The following TEAD4 variants were observed in gnomAD, a reference collection of about 807,000 sequenced individuals.
The protein encoded by TEAD4 is transcriptional enhancer factor TEF-3.
Under a neutral mutation model 52.4 loss-of-function variants are expected in TEAD4, and 36 were observed. That is an observed-to-expected ratio of 0.69 (90% confidence interval 0.53 to 0.91). The LOEUF is 0.91. Ranked by LOEUF, TEAD4 falls within the 40% of genes least tolerant of loss-of-function variation. The pLI, the probability that TEAD4 is intolerant of heterozygous loss-of-function variation, is 0.00. For missense variants in TEAD4, 508 were observed against 583.9 expected (o/e 0.87, Z 1.34); for synonymous variants, 220 against 231.0 (o/e 0.95, Z 0.43).
chr12:2,985,851 C>G lies in TEAD4; in HGVS notation c.-29-8887C>G, dbSNP rs12300431. On this transcript the variant is annotated intron_variant, in intron 2 of 12. Transcript: ENST00000359864. ...CTGTAATCCCAGCACTTTGGGAGGC[C>G]GAGGCGGGTGGATCACTACGTCAGG... Among the ~76,000 whole-genome samples, 1,054 of 149,892 alleles carry G rather than the reference C, an allele frequency of 7.0e-3. 7 individuals are homozygous for G. Among genetic ancestry groups the G allele is most frequent in the Non-Finnish European group, 0.012 (793 of 67,762 alleles).
chr12:3,024,871 A>C (rs2098271093), intron 10 of TEAD4, among the ~76,000 whole-genome samples: 1 of 151,708 alleles, frequency 6.6e-6, no homozygotes, highest in Admixed American at 6.6e-5. Flanking sequence ...CTGTTAGATA[A>C]TTTATCAATT....
At chr12:3,003,928 A>G (rs990425779) in intron 3 of TEAD4, among the ~76,000 whole-genome samples, 1 of 152,168 alleles carries the variant, frequency 6.6e-6, no homozygotes, top group Non-Finnish European at 1.5e-5. Flanking sequence ...CCACCACCTC[A>G]GCTGGGTGCT....
intron 11 of TEAD4, among the ~76,000 whole-genome samples, chr12:3,039,114 A>G: frequency 6.6e-6 from 1 of 152,106 alleles, no homozygotes; most frequent in South Asian, 2.1e-4. Context: ...GGGAGGAGAC[A>G]TTACTCCACA....
chr12:2,971,313 T>G (rs774735362), intron 2 of TEAD4, among the ~76,000 whole-genome samples: 2 of 151,834 alleles, frequency 1.3e-5, no homozygotes, highest in African/African-American at 2.4e-5. Context: ...CGTGTATATG[T>G]GTAAGAGAGA....
chr12:2,991,666 CA>C (rs980784598), intron 2 of TEAD4, among the ~76,000 whole-genome samples: 1 of 147,502 alleles, frequency 6.8e-6, no homozygotes, highest in Non-Finnish European at 1.5e-5. Context: ...CGTCCCCCCA[CA>C]AAAAAAAAGA....
At chr12:3,033,048 G>A (rs551155650) in intron 10 of TEAD4, among the ~76,000 whole-genome samples, 3 of 152,256 alleles carry the variant, frequency 2.0e-5, no homozygotes, top group East Asian at 1.9e-4. Flanking sequence ...AAACGGTGTC[G>A]CCTCTCCCGG....
intron 2 of TEAD4, among the ~76,000 whole-genome samples, chr12:2,964,354 C>CT (rs1444876339): frequency 1.3e-5 from 2 of 152,172 alleles, no homozygotes. Flanking sequence ...GGCTGTGAGC[C>CT]TTGGGCAGTT....
intron 2 of TEAD4, among the ~76,000 whole-genome samples, chr12:2,965,026 C>T (rs994518060): frequency 6.6e-6 from 1 of 152,056 alleles, no homozygotes; most frequent in African/African-American, 2.4e-5. Flanking sequence ...CTGCCAGGAC[C>T]TGGAAGGAGG....
At chr12:3,028,120 G>A (rs2098273152) in intron 10 of TEAD4, among the ~76,000 whole-genome samples, 1 of 152,126 alleles carries the variant, frequency 6.6e-6, no homozygotes, top group Non-Finnish European at 1.5e-5. Flanking sequence ...CTTGAACTTG[G>A]CATAGTGTTT....
At chr12:3,030,397 G>A (rs1293563560) in intron 10 of TEAD4, among the ~76,000 whole-genome samples, 2 of 152,180 alleles carry the variant, frequency 1.3e-5, no homozygotes, top group East Asian at 1.9e-4. Flanking sequence ...ACTGTCCAGT[G>A]TACAGACTTT....
At chr12:2,982,082 G>C (rs1160827475) in intron 2 of TEAD4, among the ~76,000 whole-genome samples, 1 of 152,160 alleles carries the variant, frequency 6.6e-6, no homozygotes, top group Non-Finnish European at 1.5e-5. Context: ...GGTTGGCCTG[G>C]GGTCTGGTTC....
At position 2,959,506 on chromosome 12, in the gene TEAD4, A is replaced by G. The variant is rs989763968; in HGVS notation, c.-123+25A>G. 3 of 146,330 alleles carry G rather than the reference A, an allele frequency of 2.1e-5. No individual in the cohort carries two copies. Among genetic ancestry groups the G allele is most frequent in the Non-Finnish European group, 4.6e-5 (3 of 65,718 alleles). The allele number at this position is 146,330 out of a possible 1,614,324, so 9.1% of individuals were successfully genotyped here. ...GGTGAGAGGCGCCCGCGCCCGCCGC[A>G]CCCGCCGGCGCCCTCACGGGCCGCG... On this transcript the variant is annotated intron_variant, in intron 1 of 12. Transcript: ENST00000359864. The surrounding 1 kb of genome is among the most constrained non-coding windows in gnomAD (Gnocchi z 5.1).
intron 2 of TEAD4, among the ~76,000 whole-genome samples, chr12:2,963,207 C>T (rs1348351033): frequency 1.3e-5 from 2 of 152,234 alleles, no homozygotes; most frequent in African/African-American, 4.8e-5. Context: ...GCAAATGTCA[C>T]AACCTCCTTT....
Position 3,040,430 on chromosome 12 carries a change from C to T in TEAD4, c.1257C>T (p.Ala419=). ...TTGCCTATGTCTTTGAGGTGTCAGC[C>T]AGTGAGCACGGGGCTCAGCACCACA... Residue 419 remains alanine, a synonymous_variant, in exon 13 of 13, where the codon GCC becomes GCT. Transcript: ENST00000359864. 1 of 1,614,092 alleles carries T rather than the reference C, an allele frequency of 6.2e-7. No homozygotes were observed. Among genetic ancestry groups the T allele is most frequent in the Non-Finnish European group, 8.5e-7 (1 of 1,180,020 alleles).
rs755969927 is a variant in TEAD4 at position 2,996,080 on chromosome 12, CTG to C, written c.226+1090_226+1091del. On this transcript the variant is annotated intron_variant, in intron 3 of 12. Transcript: ENST00000359864. ...GAAGGCCCAGATAAGGCTTCTGTTCCTGTTGGAAAGTCCTCTAGGAATCCTAG... is the reference window on the plus strand; with the variant it reads ...GAAGGCCCAGATAAGGCTTCTGTTCCTTGGAAAGTCCTCTAGGAATCCTAG... Among the ~76,000 whole-genome samples, 1,170 of 151,992 alleles carry C rather than the reference CTG, an allele frequency of 7.7e-3. 6 individuals carry two copies. The highest frequency in any genetic ancestry group is 0.013 in the Non-Finnish European group (864 of 68,004).
intron 10 of TEAD4, among the ~76,000 whole-genome samples, chr12:3,025,273 G>A (rs9783511): frequency 0.19 from 29,327 of 152,118 alleles, 5,059 homozygotes; most frequent in African/African-American, 0.46. Context: ...TTGCCCTACA[G>A]TTGTCATCCT....
At chr12:2,969,063 T>G (rs1272437749) in intron 2 of TEAD4, among the ~76,000 whole-genome samples, 3 of 152,212 alleles carry the variant, frequency 2.0e-5, no homozygotes, top group Non-Finnish European at 4.4e-5. Context: ...CAGTAGCAGG[T>G]TAGGTCCATC....
intron 2 of TEAD4, among the ~76,000 whole-genome samples, chr12:2,969,958 G>C (rs891730396): frequency 6.6e-6 from 1 of 152,144 alleles, no homozygotes; most frequent in Admixed American, 6.5e-5. Flanking sequence ...GGGTGTGGTG[G>C]CTTTTGCCCA....
Position 3,038,065 on chromosome 12 carries a change from C to T in TEAD4, c.995C>T (p.Thr332Met), listed in dbSNP as rs779566440. 9.3e-6 allele frequency: 15 copies of T among 1,613,896 alleles called. No homozygotes were observed. The highest frequency in any genetic ancestry group is 1.6e-4 in the Middle Eastern group (1 of 6,062). ...GAGAACATGATCATCACCTGCTCCA[C>T]GAAGGTCTGCTCTTTCGGCAAGCAG... is the stretch of plus-strand genomic sequence containing the variant. Residue 332 changes from threonine to methionine, a missense_variant, in exon 11 of 13, where the codon ACG becomes ATG. Thr to Met is a moderately conservative substitution (Grantham distance 81, BLOSUM62 -1). Coordinates refer to ENST00000359864, the MANE Select transcript of TEAD4 (RefSeq NM_003213.4).
Sources: gnomAD v4.1 joint callset for allele counts (sites outside exome capture counted in the v4.1 genomes callset) on GRCh38, gnomAD v4.1.1 for gene constraint, Gnocchi (gnomAD v3.1) non-coding constraint, MANE v1.5 for transcripts, NCBI Gene and HGNC (gene_info 2026-07-23, HGNC 2026-07-21) for gene names.